Variants in CFAP20DC observed in about 807,000 individuals in gnomAD.
The protein encoded by CFAP20DC is CFAP20 domain containing.
CFAP20DC carries 84 observed loss-of-function variants against 101.7 expected under a neutral mutation model. The observed-to-expected ratio is 0.83, with a 90% confidence interval of 0.69 to 0.99. The LOEUF (loss-of-function observed/expected upper bound fraction) is 0.99, where lower values mean the gene tolerates loss of function less well. Among genes scored for constraint, CFAP20DC ranks in the 50% least tolerant of loss-of-function variants. The probability of loss-of-function intolerance (pLI) is 0.00; values close to 1 mark genes in which losing one functional copy is unlikely to be tolerated. For missense variants in CFAP20DC, 1,007 were observed against 970.3 expected, an observed-to-expected ratio of 1.04 and a Z score of -0.50; for synonymous variants, 359 against 351.2, an observed-to-expected ratio of 1.02 and a Z score of -0.25.
intron 6 of CFAP20DC, among the ~76,000 whole-genome samples, chr3:58,908,693 A>C (rs891949524): frequency 2.0e-5 from 3 of 152,210 alleles, no homozygotes; most frequent in African/African-American, 7.2e-5. Context: ...AAAAAACCCC[A>C]CACAAAAATG....
In CFAP20DC at chr3:58,913,443, A is replaced by C. The variant is rs1236285670; in HGVS notation, c.550+265T>G. On this transcript the variant is annotated intron_variant, in intron 6 of 16. Transcript: ENST00000482387. The surrounding 1 kb of genome is among the most constrained non-coding windows in gnomAD (Gnocchi z 4.4). ...AAGAGGATTATGTTGTTTGTAACTAAGGAGCCTAAGACAGATAGCAAGTGT... is the reference window on the plus strand; with the variant it reads ...AAGAGGATTATGTTGTTTGTAACTACGGAGCCTAAGACAGATAGCAAGTGT... The C allele has an allele frequency of 3.4e-6, 2 of 584,460 alleles. No homozygotes were observed. The highest frequency in any genetic ancestry group is 6.0e-6 in the Non-Finnish European group (2 of 331,860). The allele number at this position is 584,460 out of a possible 1,614,324, so 36.2% of individuals were successfully genotyped here.
intron 15 of CFAP20DC, among the ~76,000 whole-genome samples, chr3:58,759,474 T>C (rs1368001118): frequency 6.6e-6 from 1 of 152,120 alleles, no homozygotes; most frequent in Non-Finnish European, 1.5e-5. Flanking sequence ...TTTTCTCCCA[T>C]TTTGTAGGTT....
chr3:58,809,001 A>T (rs2107762343), intron 14 of CFAP20DC, among the ~76,000 whole-genome samples: 1 of 152,130 alleles, frequency 6.6e-6, no homozygotes, highest in East Asian at 1.9e-4. Context: ...GATGAATTCA[A>T]CAAGAAGAGC....
At chr3:58,960,395 G>A (rs1197210485) in intron 4 of CFAP20DC, among the ~76,000 whole-genome samples, 1 of 151,820 alleles carries the variant, frequency 6.6e-6, no homozygotes, top group Non-Finnish European at 1.5e-5. Context: ...AGGAGGCTGA[G>A]GCAGAAGAAT....
chr3:58,780,574 A>C (rs1431411209), intron 15 of CFAP20DC, among the ~76,000 whole-genome samples: 1 of 152,064 alleles, frequency 6.6e-6, no homozygotes, highest in Non-Finnish European at 1.5e-5. Context: ...AAACATATAG[A>C]CTGAAAATAA....
intron 12 of CFAP20DC, among the ~76,000 whole-genome samples, chr3:58,858,550 T>C (rs947096632): frequency 3.3e-5 from 5 of 152,316 alleles, no homozygotes; most frequent in Admixed American, 1.3e-4. Flanking sequence ...ACCACAACTT[T>C]AATGTTGAGT....
At chr3:58,919,058 G>A (rs1380384403) in intron 5 of CFAP20DC, among the ~76,000 whole-genome samples, 1 of 152,112 alleles carries the variant, frequency 6.6e-6, no homozygotes, top group Non-Finnish European at 1.5e-5. Context: ...GACATAGGAT[G>A]TTTTAATTGC....
At chr3:58,984,376 C>A (rs1234013094) in intron 4 of CFAP20DC, among the ~76,000 whole-genome samples, 1 of 152,012 alleles carries the variant, frequency 6.6e-6, no homozygotes, top group Admixed American at 6.6e-5. Context: ...ACAACTTTTG[C>A]CAGAGGATTT....
intron 14 of CFAP20DC, among the ~76,000 whole-genome samples, chr3:58,819,577 C>A (rs923558743): frequency 2.7e-5 from 4 of 149,096 alleles, no homozygotes; most frequent in African/African-American, 9.9e-5. Flanking sequence ...ATACACTCTC[C>A]CAAGACTAAA....
chr3:58,895,802 G>A (rs1397663949), intron 6 of CFAP20DC, among the ~76,000 whole-genome samples: 2 of 152,168 alleles, frequency 1.3e-5, no homozygotes, highest in Non-Finnish European at 2.9e-5. Context: ...ACATGGCTGG[G>A]GAGGCCTCAG....
chr3:58,753,958 G>T, intron 15 of CFAP20DC, 95 bp from the exon 16 acceptor site: 1 of 763,236 alleles, frequency 1.3e-6, no homozygotes, highest in Non-Finnish European at 2.1e-6. Context: ...CTTCCAAAAA[G>T]AAACACTTTT....
rs966044316 is a variant in CFAP20DC, at chr3:58,807,751, T to A, written c.2176-1295A>T. On this transcript the variant is annotated intron_variant, in intron 14 of 16. Transcript: ENST00000482387. ...CGAGTTGCGAGAAGAAGGCTTCAGA[T>A]GATCAAACTACTCCGAGCTACAGGA... Among the ~76,000 whole-genome samples the A allele has an allele frequency of 2.6e-5, 4 of 152,250 alleles. No individual in the cohort carries two copies. The South Asian group carries it at 8.3e-4, about 32-fold the overall frequency.
chr3:58,806,440 C>T lies in CFAP20DC; in HGVS notation c.2192G>A (p.Arg731His), dbSNP rs766560118. ...SCLPPPVNQG[R>H]HYQKEMNPPS... ...TGGGTTCATTTCTTTCTGATAGTGG[C>T]GACCCTGGTTGACAGGCTGGAAAAG... is the stretch of plus-strand genomic sequence containing the variant. The change falls in exon 15 of 17, where the codon CGC (arginine) becomes CAC (histidine). Residue 731 changes from arginine to histidine, a missense_variant. Arg to His is a conservative substitution (Grantham distance 29). Coordinates refer to ENST00000482387, the MANE Select transcript of CFAP20DC (RefSeq NM_001394063.1). 79 of 1,611,692 alleles carry T rather than the reference C, an allele frequency of 4.9e-5. No individual in the cohort carries two copies. The highest frequency in any genetic ancestry group is 2.3e-4 in the African/African-American group (17 of 74,732).
chr3:58,951,927 A>G lies in CFAP20DC; in HGVS notation c.279-14165T>C, dbSNP rs571059507. Among the ~76,000 whole-genome samples, 8 of 152,314 alleles carry G rather than the reference A, an allele frequency of 5.3e-5. No homozygotes were observed. The East Asian group carries it at 1.5e-3, about 29-fold the overall frequency. On this transcript the variant is annotated intron_variant, in intron 4 of 16. Transcript: ENST00000482387. Reference sequence around the variant, plus strand: ...TATAATAATAAAAAAAAGGGTTACTAGAATTTGGTGTTCCAAAGCTCACTT... The same window carrying G: ...TATAATAATAAAAAAAAGGGTTACTGGAATTTGGTGTTCCAAAGCTCACTT...
intron 4 of CFAP20DC, among the ~76,000 whole-genome samples, chr3:59,025,497 A>G (rs772678099): frequency 6.6e-6 from 1 of 152,212 alleles, no homozygotes; most frequent in Non-Finnish European, 1.5e-5. Flanking sequence ...TTTAAAGAAT[A>G]TAAAACTTAT....
At chr3:58,756,778 T>G (rs1033078983) in intron 15 of CFAP20DC, among the ~76,000 whole-genome samples, 2 of 152,134 alleles carry the variant, frequency 1.3e-5, no homozygotes, top group Non-Finnish European at 2.9e-5. Context: ...ACATGTCTGT[T>G]TTTTATTCCC....
In CFAP20DC at chr3:58,722,047, A is replaced by G. The variant is rs1039549358; in HGVS notation, c.198-4419T>C. Reference sequence around the variant, plus strand: ...CATGAGCTTTGTTTTCTTTTTACCTAGCTCACTTGGAACATTTGCTTTCTG... The same window carrying G: ...CATGAGCTTTGTTTTCTTTTTACCTGGCTCACTTGGAACATTTGCTTTCTG... On this transcript the variant is annotated intron_variant, in intron 3 of 3. Coordinates refer to the CFAP20DC transcript ENST00000486145. The surrounding 1 kb of genome is among the most constrained non-coding windows in gnomAD (Gnocchi z 4.5). 6.6e-6 allele frequency among the ~76,000 whole-genome samples: 1 copy of G among 152,188 alleles called. No individual in the cohort carries two copies. Among genetic ancestry groups the G allele is most frequent in the African/African-American group, 2.4e-5 (1 of 41,434 alleles).
intron 5 of CFAP20DC, among the ~76,000 whole-genome samples, chr3:58,931,544 T>C (rs561394830): frequency 0.02 from 2,994 of 151,756 alleles, 43 homozygotes; most frequent in Middle Eastern, 0.031. Context: ...AGACTGACAC[T>C]TCACACGGGC....
chr3:58,845,001 G>A (rs1199088464), intron 13 of CFAP20DC, among the ~76,000 whole-genome samples: 5,755 of 119,068 alleles, frequency 0.048, 177 homozygotes, highest in East Asian at 0.22. Flanking sequence ...TCTCTGGGAC[G>A]CATTCAAAGC....
Sources: gnomAD v4.1 joint callset for allele counts (sites outside exome capture counted in the v4.1 genomes callset) on GRCh38, gnomAD v4.1.1 for gene constraint, Gnocchi (gnomAD v3.1) non-coding constraint, MANE v1.5 for transcripts, NCBI Gene and HGNC (gene_info 2026-07-23, HGNC 2026-07-21) for gene names.